The following ZNF385D variants were observed in gnomAD, a reference collection of about 807,000 sequenced individuals.
The protein encoded by ZNF385D is zinc finger protein 659.
In ZNF385D, 15 loss-of-function variants were observed where a neutral mutation model predicts 35.8. The ratio of observed to expected loss-of-function variants is 0.42; its 90% CI spans 0.28 to 0.64. The LOEUF is 0.64. Ranked by LOEUF, ZNF385D falls within the 30% of genes least tolerant of loss-of-function variation. The probability of loss-of-function intolerance (pLI) is 0.23; values close to 1 mark genes in which losing one functional copy is unlikely to be tolerated. For missense variants in ZNF385D, 474 were observed against 494.6 expected, an observed-to-expected ratio of 0.96 and a Z score of 0.39; for synonymous variants, 212 against 186.8, an observed-to-expected ratio of 1.13 and a Z score of -1.10.
chr3:21,729,304 T>A (rs2125479665), intron 1 of ZNF385D, among the ~76,000 whole-genome samples: 1 of 152,318 alleles, frequency 6.6e-6, no homozygotes, highest in South Asian at 2.1e-4. Flanking sequence ...TATTAAGGCA[T>A]CTTTCTTTAA....
chr3:21,545,308 G>T (rs1051073951), intron 3 of ZNF385D, among the ~76,000 whole-genome samples: 6 of 152,184 alleles, frequency 3.9e-5, no homozygotes, highest in Non-Finnish European at 8.8e-5. Flanking sequence ...AAAGGAAAAT[G>T]TACAAGACTC....
intron 6 of ZNF385D, 37 bp downstream of exon 6, chr3:21,425,455 C>A: frequency 2.0e-6 from 3 of 1,536,492 alleles, no homozygotes; most frequent in Non-Finnish European, 1.8e-6. Context: ...AAGGCTGTCC[C>A]TTGTTGGTTT....
intron 3 of ZNF385D, among the ~76,000 whole-genome samples, chr3:22,003,571 A>T (rs989914341): frequency 4.6e-5 from 7 of 152,168 alleles, no homozygotes; most frequent in African/African-American, 9.7e-5. Flanking sequence ...AAATGAAAAA[A>T]ATACCTAAAA....
At chr3:21,946,643 C>G (rs35478822) in intron 3 of ZNF385D, among the ~76,000 whole-genome samples, 38,977 of 151,206 alleles carry the variant, frequency 0.26, 5,842 homozygotes, top group Admixed American at 0.41. Flanking sequence ...ACCAGCCTGG[C>G]TAACAAGGTG....
chr3:22,299,835 T>C (rs969713101), intron 2 of ZNF385D, among the ~76,000 whole-genome samples: 17 of 151,890 alleles, frequency 1.1e-4, no homozygotes, highest in South Asian at 4.1e-4. Context: ...AATGGAAAGA[T>C]AACCTGTGTC....
upstream of ZNF385D, among the ~76,000 whole-genome samples, chr3:21,752,009 C>CT (rs1019427945): frequency 6.8e-5 from 6 of 88,688 alleles, no homozygotes; most frequent in African/African-American, 2.4e-4. Context: ...ACACACCCAC[C>CT]CCCCTCCCCC....
At chr3:21,494,546 C>T (rs578101311) in intron 4 of ZNF385D, among the ~76,000 whole-genome samples, 14 of 152,174 alleles carry the variant, frequency 9.2e-5, no homozygotes, top group East Asian at 1.9e-4. Flanking sequence ...GCAAAGGCCC[C>T]GGGAGGAATC....
At chr3:21,567,601 G>GACTT (rs1443764424) in intron 2 of ZNF385D, among the ~76,000 whole-genome samples, 2 of 152,070 alleles carry the variant, frequency 1.3e-5, no homozygotes, top group African/African-American at 4.8e-5. Context: ...AGAGGTCATT[G>GACTT]ACTTACAGGT....
chr3:21,601,748 G>A (rs554137632), intron 2 of ZNF385D, among the ~76,000 whole-genome samples: 2 of 152,086 alleles, frequency 1.3e-5, no homozygotes, highest in South Asian at 2.1e-4. Flanking sequence ...TAAAGACATC[G>A]TCACCCTTTG....
intron 3 of ZNF385D, among the ~76,000 whole-genome samples, chr3:22,019,034 CTTTT>C (rs11380195): frequency 8.4e-4 from 54 of 64,444 alleles, no homozygotes; most frequent in African/African-American, 3.3e-3. Flanking sequence ...AGTTATTTAC[CTTTT>C]TTTTTTTTTT....
chr3:21,764,329 T>C (rs1415673043), intron 3 of ZNF385D, among the ~76,000 whole-genome samples: 1 of 152,110 alleles, frequency 6.6e-6, no homozygotes, highest in East Asian at 1.9e-4. Flanking sequence ...CTGCAACAAA[T>C]ATTTGAAAAA....
At chr3:21,874,921 G>A (rs1697885503) in intron 3 of ZNF385D, among the ~76,000 whole-genome samples, 1 of 152,012 alleles carries the variant, frequency 6.6e-6, no homozygotes, top group Non-Finnish European at 1.5e-5. Context: ...AAGCTTTATA[G>A]TTTTCAGCAT....
chr3:21,475,869 G>A (rs1704206793), intron 4 of ZNF385D, among the ~76,000 whole-genome samples: 1 of 151,908 alleles, frequency 6.6e-6, no homozygotes, highest in African/African-American at 2.4e-5. Flanking sequence ...TGGTATTTAT[G>A]GTTTGATATA....
intron 3 of ZNF385D, among the ~76,000 whole-genome samples, chr3:22,004,835 T>C (rs983033156): frequency 1.3e-5 from 2 of 152,130 alleles, no homozygotes; most frequent in Non-Finnish European, 2.9e-5. Flanking sequence ...CTTTCAGGAC[T>C]GAACAAATGT....
intron 2 of ZNF385D, among the ~76,000 whole-genome samples, chr3:22,266,743 G>T (rs1176579972): frequency 6.6e-6 from 1 of 151,858 alleles, no homozygotes; most frequent in Non-Finnish European, 1.5e-5. Context: ...CTCTTGTTTG[G>T]CTACTGCTTT....
In ZNF385D at chr3:21,891,902, CTCTG is replaced by C. The variant is rs148815243; in HGVS notation, c.326-226878_326-226875del. On this transcript the variant is annotated intron_variant, in intron 3 of 5. Coordinates refer to the ZNF385D transcript ENST00000494108. ...ATTGATGTGATTTAGAAAAGTTTCA[CTCTG>C]TCTGCTTAATAGCTTTTTCAAAGTG... Among the ~76,000 whole-genome samples the C allele has an allele frequency of 4.5e-3, 681 of 152,248 alleles. 3 individuals carry two copies. The highest frequency in any genetic ancestry group is 0.02 in the Middle Eastern group (6 of 294).
intron 3 of ZNF385D, among the ~76,000 whole-genome samples, chr3:22,056,359 T>C (rs1404873270): frequency 2.1e-5 from 3 of 140,174 alleles, no homozygotes; most frequent in Non-Finnish European, 3.1e-5. Flanking sequence ...GGATAAAATA[T>C]AAACCGTGTG....
intron 3 of ZNF385D, among the ~76,000 whole-genome samples, chr3:22,077,714 G>C (rs566362806): frequency 2.4e-4 from 37 of 152,094 alleles, no homozygotes; most frequent in African/African-American, 8.4e-4. Context: ...AGATGTTTTA[G>C]AGTGCAGTTG....
chr3:21,535,174 A>G (rs1298651106), intron 3 of ZNF385D, among the ~76,000 whole-genome samples: 1 of 152,162 alleles, frequency 6.6e-6, no homozygotes, highest in Non-Finnish European at 1.5e-5. Context: ...CAATGTCAGT[A>G]CCTATCACTG....
Sources: allele counts gnomAD v4.1 joint callset (sites outside exome capture counted in the v4.1 genomes callset), GRCh38; gene constraint gnomAD v4.1.1; transcripts MANE v1.5; gene names NCBI Gene and HGNC (gene_info 2026-07-23, HGNC 2026-07-21).